Variants in CORO7 observed in about 807,000 individuals in gnomAD.
CORO7 encodes coronin 7.
In CORO7, 107 loss-of-function variants were observed where a neutral mutation model predicts 126.6. That is an observed-to-expected ratio of 0.85 (90% CI 0.72 to 0.99). The LOEUF is 0.99. Among genes scored for constraint, CORO7 ranks in the 50% least tolerant of loss-of-function variants. The pLI is 0.00. For synonymous variants in CORO7, 603 were observed against 536.8 expected, an observed-to-expected ratio of 1.12 and a Z score of -1.70; for missense variants, 1,314 against 1,255.8, an observed-to-expected ratio of 1.05 and a Z score of -0.70.
intron 7 of CORO7, among the ~76,000 whole-genome samples, chr16:4,390,643 T>A (rs1451227800): frequency 6.6e-6 from 1 of 152,088 alleles, no homozygotes. Flanking sequence ...ACTGAGCACT[T>A]TTCACCTAGG....
chr16:4,380,998 C>G, intron 9 of CORO7: 1 of 1,607,920 alleles, frequency 6.2e-7, no homozygotes, highest in Middle Eastern at 1.7e-4. Flanking sequence ...CTGCACTGCC[C>G]GCCAGGGGAC....
At chr16:4,373,481 C>T (rs1028697125) in intron 9 of CORO7, among the ~76,000 whole-genome samples, 2 of 152,116 alleles carry the variant, frequency 1.3e-5, no homozygotes, top group Non-Finnish European at 2.9e-5. Context: ...CCTCTCTCTC[C>T]ATATTCTGGG....
intron 9 of CORO7, among the ~76,000 whole-genome samples, chr16:4,376,868 G>C (rs1281928977): frequency 6.6e-6 from 1 of 152,174 alleles, no homozygotes; most frequent in Non-Finnish European, 1.5e-5. Flanking sequence ...GGGGATGTCT[G>C]ATCTGTGTAA....
At chr16:4,414,289 G>GGCCTC (rs1567309457) in intron 1 of CORO7, 1 of 151,944 alleles carries the variant, frequency 6.6e-6, no homozygotes, top group South Asian at 2.1e-4. Context: ...ACCAAGGCCT[G>GGCCTC]GCCTCATCAG....
Position 4,361,210 on chromosome 16 carries a change from C to T in CORO7, c.1726G>A (p.Ala576Thr), listed in dbSNP as rs202098148. The T allele has an allele frequency of 5.0e-5, 80 of 1,610,774 alleles. 2 individuals carry two copies. Among genetic ancestry groups the T allele is most frequent in the African/African-American group, 6.7e-5 (5 of 75,024 alleles). The change falls in exon 18 of 28, where the codon GCA becomes ACA. Residue 576 changes from alanine (A) to threonine (T), a missense_variant. Transcript: ENST00000251166. ...DARIRLWRVP[A>T]EGLEEVLTTP... ...GTGAGCACCTCTTCCAGGCCCTCTG[C>T]GGGTACCCGCCACAGTCGGATCCTG... is the stretch of plus-strand genomic sequence containing the variant.
At chr16:4,370,799 C>A (rs1412709954) in intron 9 of CORO7, among the ~76,000 whole-genome samples, 1 of 122,692 alleles carries the variant, frequency 8.2e-6, no homozygotes, top group Non-Finnish European at 2.0e-5. Flanking sequence ...CCCAGCCTCC[C>A]AGGGATAAGC....
At position 4,358,418 on chromosome 16, in the gene CORO7, C is replaced by A. The variant is rs753438532; in HGVS notation, c.2406G>T (p.Arg802=). The change falls in exon 24 of 28, where the codon CGG becomes CGT. Residue 802 remains arginine (R), a synonymous_variant. Coordinates refer to ENST00000251166, the MANE Select transcript of CORO7 (RefSeq NM_024535.5). The part of the protein sequence containing the change: ...VREVELMRCL[R]LRQSSLEPVA... ...CAGGCTCCAGGGAGGACTGACGCAG[C>A]CGCAGGCACCGCATCAGCTCCACTT... 17 of 1,612,380 alleles carry A rather than the reference C, an allele frequency of 1.1e-5. No individual in the cohort carries two copies. The highest frequency in any genetic ancestry group is 1.7e-4 in the Middle Eastern group (1 of 6,044).
rs1372875798 is a variant in CORO7, at chr16:4,381,959, C to T, written c.785+6027G>A. 22 of 1,608,688 alleles carry T rather than the reference C, an allele frequency of 1.4e-5. No homozygotes were observed. The highest frequency in any genetic ancestry group is 3.3e-4 in the Middle Eastern group (2 of 6,050). On this transcript the variant is annotated intron_variant, in intron 9 of 27. Transcript: ENST00000251166. ...ACCACCACAGCCACAGTGCCCACCA[C>T]GAGGCCCGTGGTGCGGGAGCCCACA...
At chr16:4,375,710 G>A (rs915373091) in intron 9 of CORO7, among the ~76,000 whole-genome samples, 2 of 152,172 alleles carry the variant, frequency 1.3e-5, no homozygotes, top group Non-Finnish European at 2.9e-5. Flanking sequence ...GGATGGTCTC[G>A]ATCTCCTGAC....
At chr16:4,361,732 C>T (rs992008467) in intron 16 of CORO7, 7 of 800,482 alleles carry the variant, frequency 8.7e-6, no homozygotes, top group Admixed American at 6.0e-5. Flanking sequence ...GCTTCGGATC[C>T]CAGCTCCACC....
At chr16:4,360,211 G>A (rs2054117436) in intron 21 of CORO7, 67 bp downstream of exon 21, 3 of 1,601,850 alleles carry the variant, frequency 1.9e-6, no homozygotes, top group Admixed American at 1.7e-5. Flanking sequence ...ACAAATGTAT[G>A]TGACTGTGGA....
chr16:4,361,371 G>A lies in CORO7; in HGVS notation c.1677C>T (p.Arg559=), dbSNP rs750636869. Residue 559 remains arginine, a synonymous_variant, in exon 17 of 28, where the codon CGC becomes CGT. Transcript: ENST00000251166. ...ACCCAGCCTCCTTACCCACAGCGAG[G>A]CGATGGGGGTCAAAGGGGTCCCAGG... ...DLAWDPFDPH[R]LAVAGEDARI... 2.5e-6 allele frequency: 4 copies of A among 1,612,246 alleles called. No individual in the cohort carries two copies. Among genetic ancestry groups the A allele is most frequent in the Non-Finnish European group, 3.4e-6 (4 of 1,179,612 alleles).
At position 4,354,918 on chromosome 16, in the gene CORO7, C is replaced by A. The variant is rs1168753194; in HGVS notation, c.*240G>T. 12 of 468,868 alleles carry A rather than the reference C, an allele frequency of 2.6e-5. No homozygotes were observed. Among genetic ancestry groups the A allele is most frequent in the Non-Finnish European group, 4.1e-5 (11 of 267,608 alleles). The allele number at this position is 468,868 out of a possible 1,614,324, so 29.0% of individuals were successfully genotyped here. A position where few individuals can be genotyped will look rare whatever the true frequency, so the allele number is the denominator to read the frequency against. On this transcript the variant is annotated 3_prime_UTR_variant, in exon 28 of 28. Coordinates refer to ENST00000251166, the MANE Select transcript of CORO7 (RefSeq NM_024535.5). ...CTGCTGACCCCCCGCCACCCTGCAC[C>A]CCTGGCCACATGCTAGCGGGCAGCT...
chr16:4,414,864 G>GT (rs921141711), intron 1 of CORO7, among the ~76,000 whole-genome samples: 2 of 151,974 alleles, frequency 1.3e-5, no homozygotes, highest in African/African-American at 2.4e-5. Flanking sequence ...TTTCTTGTTT[G>GT]TTTTTTTCTT....
chr16:4,361,034 A>T lies in CORO7; in HGVS notation c.1826T>A (p.Val609Glu). ...SLRFHPLAAN[V>E]LASSSYDLTV... Reference sequence around the variant, plus strand: ...GAGGTCATAGGAGGACGAGGCCAGCACATTGGCTGCCAGTGGGTGGAAGCG... The same window carrying T: ...GAGGTCATAGGAGGACGAGGCCAGCTCATTGGCTGCCAGTGGGTGGAAGCG... Residue 609 changes from valine to glutamate, a missense_variant, in exon 19 of 28, where the codon GTG becomes GAG. Transcript: ENST00000251166. The T allele has an allele frequency of 6.2e-7, 1 of 1,613,398 alleles. No homozygotes were observed. Among genetic ancestry groups the T allele is most frequent in the Non-Finnish European group, 8.5e-7 (1 of 1,180,018 alleles).
chr16:4,391,886 G>A (rs1486827064), intron 7 of CORO7, among the ~76,000 whole-genome samples: 1 of 152,250 alleles, frequency 6.6e-6, no homozygotes, highest in Non-Finnish European at 1.5e-5. Context: ...AGGAGGGGCT[G>A]TGGCAGGGCA....
intron 25 of CORO7, 183 bp from the exon 26 acceptor site, chr16:4,357,442 C>G (rs969799011): frequency 3.3e-6 from 2 of 600,360 alleles, no homozygotes; most frequent in Non-Finnish European, 5.4e-6. Flanking sequence ...ACTGCAACCT[C>G]CGCCTCCTCT....
At chr16:4,407,375 A>G (rs1043691453) in intron 5 of CORO7, 126 bp downstream of exon 5, 5 of 1,120,154 alleles carry the variant, frequency 4.5e-6, no homozygotes, top group Admixed American at 2.7e-5. Flanking sequence ...TAAGACTTTT[A>G]TACTATGTAA....
chr16:4,395,183 T>C, intron 7 of CORO7, 106 bp downstream of exon 7: 1 of 1,524,574 alleles, frequency 6.6e-7, no homozygotes, highest in East Asian at 2.3e-5. Flanking sequence ...CTGCAGAACA[T>C]GTCTGCCAGG....
Sources: allele counts gnomAD v4.1 joint callset (sites outside exome capture counted in the v4.1 genomes callset), GRCh38; gene constraint gnomAD v4.1.1; transcripts MANE v1.5; gene names NCBI Gene and HGNC (gene_info 2026-07-23, HGNC 2026-07-21).